ANAPC1: variants seen among roughly 807,000 people sequenced by gnomAD.
ANAPC1 encodes anaphase promoting complex subunit 1.
ANAPC1 carries 36 observed loss-of-function variants against 208.0 expected under a neutral mutation model. The ratio of observed to expected loss-of-function variants is 0.17; its 90% CI spans 0.13 to 0.23. The LOEUF (loss-of-function observed/expected upper bound fraction) is 0.23. Among genes scored for constraint, ANAPC1 ranks in the 10% least tolerant of loss-of-function variants. The probability of loss-of-function intolerance (pLI) is 1.00; values close to 1 mark genes in which losing one functional copy is unlikely to be tolerated. For missense variants in ANAPC1, 942 were observed against 2,011.6 expected (o/e 0.47, Z 10.17); for synonymous variants, 378 against 695.2 (o/e 0.54, Z 7.18).
chr2:111,812,898 T>C (rs1679063380), intron 28 of ANAPC1, among the ~76,000 whole-genome samples: 2 of 117,030 alleles, frequency 1.7e-5, no homozygotes, highest in African/African-American at 6.6e-5. Context: ...CTGTTATCAG[T>C]GTGGGAGCAC....
chr2:111,864,849 T>C lies in ANAPC1; in HGVS notation c.788A>G (p.Gln263Arg), dbSNP rs1682316900. The change falls in exon 8 of 48, where the codon CAA (glutamine) becomes CGA (arginine). Residue 263 changes from glutamine to arginine, a missense_variant. Transcript: ENST00000341068. ...GAGAGTCCACACAGAATGCACATTT[T>C]GAACAGCATCATAAGTCATTACAAT... ...PSIVMTYDAVQNVHSVWTLRR... is the reference protein window; with the variant it reads ...PSIVMTYDAVRNVHSVWTLRR... 1.2e-6 allele frequency: 2 copies of C among 1,611,662 alleles called. No individual in the cohort carries two copies. The highest frequency in any genetic ancestry group is 1.3e-5 in the African/African-American group (1 of 74,876).
intron 46 of ANAPC1, among the ~76,000 whole-genome samples, chr2:111,775,071 G>T (rs1676933872): frequency 6.6e-6 from 1 of 152,148 alleles, no homozygotes; most frequent in Non-Finnish European, 1.5e-5. Flanking sequence ...TTCGAGATCA[G>T]ACTGAACAAC....
At chr2:111,775,618 A>G (rs1175826495) in intron 46 of ANAPC1, among the ~76,000 whole-genome samples, 1 of 152,208 alleles carries the variant, frequency 6.6e-6, no homozygotes, top group Non-Finnish European at 1.5e-5. Context: ...AATGCTGGAA[A>G]CCACCAAATG....
At chr2:111,810,248 C>T (rs1245023852) in intron 28 of ANAPC1, among the ~76,000 whole-genome samples, 1 of 145,574 alleles carries the variant, frequency 6.9e-6, no homozygotes, top group African/African-American at 2.5e-5. Context: ...CCAGAAAAGG[C>T]AAACCCATAG....
At chr2:111,865,466 G>A (rs1208734381) in intron 7 of ANAPC1, among the ~76,000 whole-genome samples, 1 of 151,968 alleles carries the variant, frequency 6.6e-6, no homozygotes. Flanking sequence ...AAAGTACCAT[G>A]GACTGGTCTC....
At chr2:111,791,776 C>G (rs1677887461) in intron 38 of ANAPC1, among the ~76,000 whole-genome samples, 1 of 151,860 alleles carries the variant, frequency 6.6e-6, no homozygotes, top group Non-Finnish European at 1.5e-5. Context: ...GGGTGCATGG[C>G]AGAAGCAGAG....
chr2:111,798,598 GT>G (rs1368016744), intron 34 of ANAPC1, among the ~76,000 whole-genome samples: 2 of 151,906 alleles, frequency 1.3e-5, no homozygotes, highest in African/African-American at 2.4e-5. Flanking sequence ...TAGACAAATG[GT>G]TTTTTTCATA....
chr2:111,783,653 T>A (rs1359195556), intron 42 of ANAPC1, among the ~76,000 whole-genome samples: 1 of 152,232 alleles, frequency 6.6e-6, no homozygotes, highest in Non-Finnish European at 1.5e-5. Flanking sequence ...CACAAGGAAG[T>A]CAGTGCAAGT....
At chr2:111,794,421 A>G (rs1678048358) in intron 35 of ANAPC1, 98 bp from the exon 36 acceptor site, 2 of 780,430 alleles carry the variant, frequency 2.6e-6, no homozygotes, top group South Asian at 2.2e-5. Flanking sequence ...AAGCTAGTTT[A>G]TATCTTTCTG....
chr2:111,869,491 C>CGCCTCG, intron 6 of ANAPC1, among the ~76,000 whole-genome samples: 1 of 152,228 alleles, frequency 6.6e-6, no homozygotes, highest in Middle Eastern at 3.4e-3. Flanking sequence ...GTGATCCACT[C>CGCCTCG]GCCTCGGCCT....
rs1193455402 is a variant in ANAPC1 at position 111,864,369 on chromosome 2, GATGATA to G, written c.831+431_831+436del. On this transcript the variant is annotated intron_variant, in intron 8 of 47. Coordinates refer to ENST00000341068, the MANE Select transcript of ANAPC1 (RefSeq NM_022662.4). ...TGATGATGATGATGATGATGATGAT[GATGATA>G]ATAAAACTATTCACAAGTGATTTTT... is the stretch of plus-strand genomic sequence containing the variant. 1.2e-3 allele frequency among the ~76,000 whole-genome samples: 116 copies of G among 98,592 alleles called. 1 individual carries two copies. In the Middle Eastern group the frequency reaches 0.043, roughly 36 times the overall value. 64.7% of individuals were successfully genotyped at this position (98,592 alleles called of 152,430 possible).
rs151125124 is a variant in ANAPC1 at position 111,847,166 on chromosome 2, A to G, written c.1824T>C (p.Thr608=). Residue 608 remains threonine, a synonymous_variant, in exon 16 of 48, where the codon ACT becomes ACC. Transcript: ENST00000341068. ...ELSNGSMVRI[T]IPEIATSELV... ...ACTCAGAGGTGGCAATTTCAGGAAT[A>G]GTGATCCTAACCATGGAGCCATTAC... The G allele has an allele frequency of 2.6e-5, 42 of 1,610,906 alleles. No individual in the cohort carries two copies. The highest frequency in any genetic ancestry group is 3.6e-5 in the Non-Finnish European group (42 of 1,179,262).
At chr2:111,863,059 A>G (rs1181604763) in intron 9 of ANAPC1, among the ~76,000 whole-genome samples, 2 of 152,094 alleles carry the variant, frequency 1.3e-5, no homozygotes, top group African/African-American at 4.8e-5. Flanking sequence ...TTAAGGCAAA[A>G]ATAAAATAGT....
chr2:111,850,900 A>T lies in ANAPC1; in HGVS notation c.1526T>A (p.Val509Asp). ...LYTGVVRVGK[V>D]FIPGLPAPSL... ...GGGAGCTGGCAGTCCAGGAATAAAA[A>T]CCTTTCCCACCTTTAAGCAATAAAA... Residue 509 changes from valine to aspartate, a missense_variant, in exon 14 of 48, where the codon GTT (valine) becomes GAT (aspartate). Coordinates refer to ENST00000341068, the MANE Select transcript of ANAPC1 (RefSeq NM_022662.4). The T allele has an allele frequency of 6.3e-7, 1 of 1,595,878 alleles. No individual in the cohort carries two copies.
At chr2:111,777,335 G>A (rs990975879) in intron 45 of ANAPC1, among the ~76,000 whole-genome samples, 1 of 152,064 alleles carries the variant, frequency 6.6e-6, no homozygotes, top group African/African-American at 2.4e-5. Context: ...GAATAACCAA[G>A]ACCCAAAAGG....
intron 1 of ANAPC1, among the ~76,000 whole-genome samples, chr2:111,882,516 G>A (rs1475623083): frequency 6.6e-6 from 1 of 151,588 alleles, no homozygotes; most frequent in East Asian, 2.0e-4. Flanking sequence ...GATCACCTGA[G>A]GTCAGGAGTT....
chr2:111,844,021 A>C (rs1680916484), intron 16 of ANAPC1, among the ~76,000 whole-genome samples: 1 of 151,790 alleles, frequency 6.6e-6, no homozygotes, highest in African/African-American at 2.4e-5. Context: ...ACCATGTTTC[A>C]CCATGTTGGC....
intron 38 of ANAPC1, among the ~76,000 whole-genome samples, chr2:111,790,750 G>A (rs1487814764): frequency 1.3e-5 from 2 of 151,736 alleles, no homozygotes; most frequent in African/African-American, 2.4e-5. Context: ...AGAGTGAAAA[G>A]GCAAACAAGC....
intron 21 of ANAPC1, 93 bp downstream of exon 21, chr2:111,831,193 C>G: frequency 7.4e-7 from 1 of 1,359,152 alleles, no homozygotes; most frequent in Non-Finnish European, 9.9e-7. Flanking sequence ...ATTCACAGAA[C>G]TATACACAGA....
Sources: gnomAD v4.1 joint callset for allele counts (sites outside exome capture counted in the v4.1 genomes callset) on GRCh38, gnomAD v4.1.1 for gene constraint, MANE v1.5 for transcripts, NCBI Gene and HGNC (gene_info 2026-07-23, HGNC 2026-07-21) for gene names.